The following TTC29 variants were observed in gnomAD, a reference collection of about 807,000 sequenced individuals.
The protein encoded by TTC29 is tetratricopeptide repeat protein 29.
TTC29 carries 49 observed loss-of-function variants against 58.1 expected under a neutral mutation model. The ratio of observed to expected loss-of-function variants is 0.84; its 90% confidence interval spans 0.67 to 1.07. The LOEUF (loss-of-function observed/expected upper bound fraction) is 1.07, where lower values mean the gene tolerates loss of function less well. Ranked by LOEUF, TTC29 falls within the 50% of genes least tolerant of loss-of-function variation. The pLI, the probability that TTC29 is intolerant of heterozygous loss-of-function variation, is 0.00. For missense variants in TTC29, 582 were observed against 555.6 expected (o/e 1.05, Z -0.48); for synonymous variants, 209 against 196.8 (o/e 1.06, Z -0.52).
chr4:146,829,805 A>G (rs527434060), intron 9 of TTC29, among the ~76,000 whole-genome samples: 65 of 152,284 alleles, frequency 4.3e-4, no homozygotes, highest in African/African-American at 1.5e-3. Context: ...TACAATTGGT[A>G]TGGAATAAAC....
At chr4:146,710,296 G>A (rs933453919) in intron 11 of TTC29, among the ~76,000 whole-genome samples, 1 of 152,042 alleles carries the variant, frequency 6.6e-6, no homozygotes, top group African/African-American at 2.4e-5. Flanking sequence ...AATATTGTAG[G>A]CATCTGTAAC....
intron 11 of TTC29, among the ~76,000 whole-genome samples, chr4:146,778,554 T>C (rs1280338728): frequency 1.3e-5 from 2 of 152,184 alleles, no homozygotes; most frequent in Non-Finnish European, 2.9e-5. Flanking sequence ...AAATAATATG[T>C]GTTTTCCTAT....
At chr4:146,932,047 A>G (rs367842993) in intron 4 of TTC29, among the ~76,000 whole-genome samples, 2 of 151,364 alleles carry the variant, frequency 1.3e-5, no homozygotes, top group Non-Finnish European at 2.9e-5. Context: ...CCTTTAAATC[A>G]TGGCAAAACG....
intron 7 of TTC29, 55 bp from the exon 8 acceptor site, chr4:146,867,638 C>T (rs553462237): frequency 2.5e-6 from 2 of 815,642 alleles, no homozygotes; most frequent in Admixed American, 3.2e-5. Flanking sequence ...TTTATTACAA[C>T]AAACAGAATC....
chr4:146,939,761 A>T, intron 3 of TTC29, 43 bp downstream of exon 3: 1 of 1,506,400 alleles, frequency 6.6e-7, no homozygotes, highest in Non-Finnish European at 9.0e-7. Context: ...TATTACAGAA[A>T]ATTCCTTCTG....
At position 146,785,804 on chromosome 4, in the gene TTC29, T is replaced by C. The variant is rs576866153; in HGVS notation, c.1330+17653A>G. The stretch of plus-strand genomic sequence containing the variant: ...CTATTAACATTTCTGTTATTATTTC[T>C]TAAAATGATGTTAACAGTTTTGATA... On this transcript the variant is annotated intron_variant, in intron 11 of 12. Transcript: ENST00000325106. Among the ~76,000 whole-genome samples, 436 of 152,290 alleles carry C rather than the reference T, an allele frequency of 2.9e-3. 4 individuals are homozygous for C. The highest frequency in any genetic ancestry group is 0.01 in the African/African-American group (419 of 41,562).
chr4:146,922,212 G>A (rs1017002440), intron 4 of TTC29, among the ~76,000 whole-genome samples: 2 of 150,854 alleles, frequency 1.3e-5, no homozygotes, highest in African/African-American at 4.9e-5. Flanking sequence ...TAAAAAACAG[G>A]AGCAACTCAT....
intron 4 of TTC29, among the ~76,000 whole-genome samples, chr4:146,936,734 C>T (rs2150329592): frequency 6.6e-6 from 1 of 152,134 alleles, no homozygotes; most frequent in Middle Eastern, 3.4e-3. Context: ...AGACTTAGAA[C>T]TTTAGAATAT....
At chr4:146,848,699 C>T (rs1729329218) in intron 8 of TTC29, among the ~76,000 whole-genome samples, 1 of 152,150 alleles carries the variant, frequency 6.6e-6, no homozygotes, top group Non-Finnish European at 1.5e-5. Flanking sequence ...TTGAGAATTA[C>T]AGAGCCCAGG....
intron 11 of TTC29, among the ~76,000 whole-genome samples, chr4:146,735,197 G>A (rs895804546): frequency 6.6e-6 from 1 of 152,162 alleles, no homozygotes; most frequent in Admixed American, 6.5e-5. Flanking sequence ...GCAAAATGAT[G>A]CAGGGACAAC....
chr4:146,895,133 T>C (rs1732683382), intron 6 of TTC29, among the ~76,000 whole-genome samples: 1 of 152,222 alleles, frequency 6.6e-6, no homozygotes, highest in Admixed American at 6.5e-5. Flanking sequence ...ACTCTATCTA[T>C]GTCCCTGCAA....
intron 11 of TTC29, among the ~76,000 whole-genome samples, chr4:146,769,545 G>T (rs1287556991): frequency 6.6e-6 from 1 of 151,966 alleles, no homozygotes; most frequent in African/African-American, 2.4e-5. Flanking sequence ...GAAGAAAGAT[G>T]TAGATGCAAA....
intron 11 of TTC29, chr4:146,764,291 A>G (rs1747127731): frequency 6.6e-6 from 1 of 152,108 alleles, no homozygotes; most frequent in African/African-American, 2.4e-5. Flanking sequence ...CCTGTAGCCC[A>G]GAGGGCTGAC....
At chr4:146,729,147 G>A (rs899863150) in intron 11 of TTC29, among the ~76,000 whole-genome samples, 13 of 151,888 alleles carry the variant, frequency 8.6e-5, no homozygotes, top group East Asian at 1.9e-4. Flanking sequence ...CTTGGAGGCC[G>A]TATCTCTTCT....
rs71616507 is a variant in TTC29, at chr4:146,730,753, C to A, written c.1331-23202G>T. ...ACTGAGAAATGACTATTGTGTTTGG[C>A]GATGCGAAAGCCATTGATGAATTTG... On this transcript the variant is annotated intron_variant, in intron 11 of 12. Coordinates refer to ENST00000325106, the MANE Select transcript of TTC29 (RefSeq NM_031956.4). 5.3e-5 allele frequency among the ~76,000 whole-genome samples: 8 copies of A among 152,118 alleles called. No individual in the cohort carries two copies. In the South Asian group the frequency reaches 8.3e-4, roughly 16 times the overall value.
intron 11 of TTC29, among the ~76,000 whole-genome samples, chr4:146,752,802 A>T (rs1025736577): frequency 6.6e-6 from 1 of 152,206 alleles, no homozygotes; most frequent in Non-Finnish European, 1.5e-5. Context: ...GCAATGGGAA[A>T]AGGATTCCCT....
chr4:146,832,143 C>T (rs1479885309), intron 9 of TTC29, among the ~76,000 whole-genome samples: 2 of 149,766 alleles, frequency 1.3e-5, no homozygotes, highest in East Asian at 2.0e-4. Context: ...GACACATTTA[C>T]ATGCTACTAC....
chr4:146,909,151 T>C lies in TTC29; in HGVS notation c.275A>G (p.Asp92Gly). The stretch of plus-strand genomic sequence containing the variant: ...GACTCTCGCAGCCTCCCTCAGGGCA[T>C]CCCACCGCTCCATCAGAGCGAAGAG... Reference protein sequence around the residue: ...TELFALMERWDALREAARVRS... With the variant: ...TELFALMERWGALREAARVRS... Residue 92 changes from aspartate (D) to glycine (G), a missense_variant, in exon 5 of 13, where the codon GAT (aspartate) becomes GGT (glycine). By Grantham distance (94) the Asp-to-Gly change is moderately conservative. Transcript: ENST00000325106. 6.2e-7 allele frequency: 1 copy of C among 1,613,772 alleles called. No homozygotes were observed. Among genetic ancestry groups the C allele is most frequent in the African/African-American group, 1.3e-5 (1 of 75,012 alleles).
intron 11 of TTC29, among the ~76,000 whole-genome samples, chr4:146,745,326 G>A (rs915380616): frequency 6.6e-6 from 1 of 152,170 alleles, no homozygotes; most frequent in Non-Finnish European, 1.5e-5. Flanking sequence ...GAACTAGAAG[G>A]GGAAAATGAA....
Sources: gnomAD v4.1 joint callset for allele counts (sites outside exome capture counted in the v4.1 genomes callset) on GRCh38, gnomAD v4.1.1 for gene constraint, MANE v1.5 for transcripts, NCBI Gene and HGNC (gene_info 2026-07-23, HGNC 2026-07-21) for gene names.